Variants in NOVA1 observed in about 807,000 individuals in gnomAD.
NOVA1 encodes NOVA alternative splicing regulator 1, also known as RNA-binding protein Nova-1.
Under a neutral mutation model 38.0 loss-of-function variants are expected in NOVA1, and 7 were observed. The observed-to-expected ratio is 0.18, with a 90% CI of 0.10 to 0.35. NOVA1 has a LOEUF of 0.35. Among genes scored for constraint, NOVA1 ranks in the 10% least tolerant of loss-of-function variants. The probability of loss-of-function intolerance (pLI) is 1.00; values close to 1 mark genes in which losing one functional copy is unlikely to be tolerated. For synonymous variants in NOVA1, 270 were observed against 232.5 expected, an observed-to-expected ratio of 1.16 and a Z score of -1.47; for missense variants, 460 against 616.0, an observed-to-expected ratio of 0.75 and a Z score of 2.68.
chr14:26,486,570 G>T (rs74893691), intron 2 of NOVA1, among the ~76,000 whole-genome samples: 2 of 151,098 alleles, frequency 1.3e-5, no homozygotes, highest in Non-Finnish European at 3.0e-5. Flanking sequence ...TTAGCCAGGC[G>T]TGGTGGTGGG....
intron 2 of NOVA1, among the ~76,000 whole-genome samples, chr14:26,482,069 A>G (rs1350056768): frequency 1.3e-5 from 2 of 151,182 alleles, no homozygotes; most frequent in Non-Finnish European, 2.9e-5. Flanking sequence ...TAAAATTCTG[A>G]TAATACAAAC....
chr14:26,457,701 T>C (rs1198411885), intron 4 of NOVA1, among the ~76,000 whole-genome samples: 1 of 152,110 alleles, frequency 6.6e-6, no homozygotes, highest in Non-Finnish European at 1.5e-5. Context: ...CTGTACTCCA[T>C]TTACTTATTA....
At chr14:26,511,787 A>C (rs1406245454) in intron 2 of NOVA1, among the ~76,000 whole-genome samples, 2 of 151,948 alleles carry the variant, frequency 1.3e-5, no homozygotes, top group African/African-American at 4.8e-5. Flanking sequence ...CCAAAGTTTT[A>C]AGGTGTGTTG....
intron 2 of NOVA1, among the ~76,000 whole-genome samples, chr14:26,587,212 T>A (rs757327451): frequency 2.5e-4 from 38 of 150,360 alleles, no homozygotes; most frequent in Middle Eastern, 3.4e-3. Flanking sequence ...TTGATCTATT[T>A]CCACAACTCT....
intron 2 of NOVA1, among the ~76,000 whole-genome samples, chr14:26,548,210 T>A (rs1890925908): frequency 6.6e-6 from 1 of 152,000 alleles, no homozygotes; most frequent in South Asian, 2.1e-4. Flanking sequence ...AGCCCAAATA[T>A]CTTGGTAAGG....
intron 2 of NOVA1, among the ~76,000 whole-genome samples, chr14:26,526,040 C>A (rs1479079279): frequency 1.3e-5 from 2 of 151,858 alleles, no homozygotes; most frequent in Admixed American, 6.6e-5. Context: ...TTTTTACTTT[C>A]TTTTTCTACT....
At chr14:26,492,643 A>C (rs919016685) in intron 2 of NOVA1, among the ~76,000 whole-genome samples, 2 of 152,208 alleles carry the variant, frequency 1.3e-5, no homozygotes, top group Admixed American at 1.3e-4. Context: ...TATGACTATA[A>C]TGCTGAGAAC....
intron 4 of NOVA1, among the ~76,000 whole-genome samples, chr14:26,459,765 C>G (rs1387640700): frequency 6.6e-6 from 1 of 151,892 alleles, no homozygotes; most frequent in Non-Finnish European, 1.5e-5. Context: ...CATAACCAAA[C>G]TAAGTAACAT....
intron 2 of NOVA1, among the ~76,000 whole-genome samples, chr14:26,528,963 C>A (rs1412220824): frequency 6.6e-6 from 1 of 152,138 alleles, no homozygotes; most frequent in African/African-American, 2.4e-5. Context: ...TGATTGCCAA[C>A]ACCACTTGCT....
chr14:26,572,524 A>G lies in NOVA1; in HGVS notation c.280+22886T>C, dbSNP rs542119490. Among the ~76,000 whole-genome samples the G allele has an allele frequency of 2.6e-5, 4 of 152,350 alleles. No homozygotes were observed. The South Asian group carries it at 6.2e-4, about 24-fold the overall frequency. On this transcript the variant is annotated intron_variant, in intron 2 of 4. Transcript: ENST00000539517. ...TAAAAGTATTAAGGGTACAATGTCA[A>G]TAAAGGTGACATGGTCTTCATCATT...
At chr14:26,508,538 A>G (rs1594429049) in intron 2 of NOVA1, among the ~76,000 whole-genome samples, 1 of 132,130 alleles carries the variant, frequency 7.6e-6, no homozygotes, top group African/African-American at 2.6e-5. Context: ...AACCAAGAGA[A>G]ATTTTTCACA....
chr14:26,492,687 G>T (rs1307407927), intron 2 of NOVA1, among the ~76,000 whole-genome samples: 1 of 152,116 alleles, frequency 6.6e-6, no homozygotes, highest in Non-Finnish European at 1.5e-5. Flanking sequence ...ATAAATAGCG[G>T]CTGGGCACGG....
chr14:26,447,298 T>A lies in NOVA1; in HGVS notation c.*661A>T, dbSNP rs1236066611. On this transcript the variant is annotated 3_prime_UTR_variant, in exon 5 of 5. Transcript: ENST00000539517. ...GAACTTTTGTTGAACTTACAAATGA[T>A]GAAGAATGGGCCATGGCCAGCATGC... The A allele has an allele frequency of 6.5e-6, 1 of 152,772 alleles. No individual in the cohort carries two copies. The highest frequency in any genetic ancestry group is 1.5e-5 in the Non-Finnish European group (1 of 68,152). The allele number at this position is 152,772 out of a possible 1,614,324, so 9.5% of individuals were successfully genotyped here.
chr14:26,579,053 C>T (rs201045171), intron 2 of NOVA1, among the ~76,000 whole-genome samples: 631 of 79,940 alleles, frequency 7.9e-3, no homozygotes, highest in Middle Eastern at 0.017. Context: ...AGGTGGTATT[C>T]TTTTTTTTTT....
intron 2 of NOVA1, among the ~76,000 whole-genome samples, chr14:26,538,221 C>G (rs1275288716): frequency 9.9e-5 from 15 of 152,084 alleles, no homozygotes; most frequent in Non-Finnish European, 2.9e-5. Flanking sequence ...CTGAAAAATA[C>G]AGTTGGTTAA....
intron 2 of NOVA1, chr14:26,549,477 G>A (rs962844528): frequency 1.1e-5 from 2 of 178,042 alleles, no homozygotes; most frequent in Admixed American, 1.1e-4. Flanking sequence ...AGTTTCATTT[G>A]CTTTTAGAAT....
chr14:26,453,197 TATGTATG>T lies in NOVA1; in HGVS notation c.520-4241_520-4235del, dbSNP rs1566431799. Among the ~76,000 whole-genome samples, 47 of 80,482 alleles carry T rather than the reference TATGTATG, an allele frequency of 5.8e-4. No homozygotes were observed. In the South Asian group the frequency reaches 8.5e-3, roughly 14 times the overall value. The allele number at this position is 80,482 out of a possible 152,430, so 52.8% of individuals were successfully genotyped here. On this transcript the variant is annotated intron_variant, in intron 4 of 4. Coordinates refer to ENST00000539517, the MANE Select transcript of NOVA1 (RefSeq NM_002515.3). ...GTATGTATGTATGTATGTATGTATGTATGTATGTATGTATTTATTTATTTTTAGAGAG... is the reference window on the plus strand; with the variant it reads ...GTATGTATGTATGTATGTATGTATGTTATGTATTTATTTATTTTTAGAGAG...
chr14:26,461,379 A>G (rs1326976050), intron 4 of NOVA1, among the ~76,000 whole-genome samples: 1 of 152,146 alleles, frequency 6.6e-6, no homozygotes, highest in Non-Finnish European at 1.5e-5. Flanking sequence ...GATATTTACC[A>G]AATATTGTGT....
chr14:26,557,655 G>A lies in NOVA1; in HGVS notation c.280+37755C>T, dbSNP rs1387969398. Among the ~76,000 whole-genome samples, 4 of 151,894 alleles carry A rather than the reference G, an allele frequency of 2.6e-5. No individual in the cohort carries two copies. In the East Asian group the frequency reaches 5.8e-4, roughly 22 times the overall value. ...CCCAAAGTGCTGGGATTACAGGCAT[G>A]AGCCACCATGCTCAGCCCACTACAG... On this transcript the variant is annotated intron_variant, in intron 2 of 4. Coordinates refer to ENST00000539517, the MANE Select transcript of NOVA1 (RefSeq NM_002515.3).
Sources: gnomAD v4.1 joint callset for allele counts (sites outside exome capture counted in the v4.1 genomes callset) on GRCh38, gnomAD v4.1.1 for gene constraint, MANE v1.5 for transcripts, NCBI Gene and HGNC (gene_info 2026-07-23, HGNC 2026-07-21) for gene names.